The following CHRM2 variants were observed in gnomAD, a reference collection of about 807,000 sequenced individuals.
CHRM2 encodes cholinergic receptor muscarinic 2.
A neutral mutation model predicts 25.0 loss-of-function variants in CHRM2; 8 were observed. That is an observed-to-expected ratio of 0.32 (90% confidence interval 0.19 to 0.58). The LOEUF (loss-of-function observed/expected upper bound fraction) is 0.58, where lower values mean the gene tolerates loss of function less well. Among genes scored for constraint, CHRM2 ranks in the 20% least tolerant of loss-of-function variants. The pLI, the probability that CHRM2 is intolerant of heterozygous loss-of-function variation, is 0.88. For missense variants in CHRM2, 440 were observed against 567.1 expected (o/e 0.78, Z 2.28); for synonymous variants, 202 against 205.7 (o/e 0.98, Z 0.15).
At chr7:137,012,085 GAATA>G (rs143964183) in intron 3 of CHRM2, among the ~76,000 whole-genome samples, 2,975 of 152,064 alleles carry the variant, frequency 0.02, 37 homozygotes, top group Middle Eastern at 0.058. Flanking sequence ...TCAAAATTAT[GAATA>G]ATTAAAATGC....
At chr7:137,013,159 G>C (rs1009868482) in intron 3 of CHRM2, among the ~76,000 whole-genome samples, 4 of 151,618 alleles carry the variant, frequency 2.6e-5, no homozygotes, top group Admixed American at 6.6e-5. Flanking sequence ...TACAAATATT[G>C]TTTCTCAATT....
intron 3 of CHRM2, among the ~76,000 whole-genome samples, chr7:137,012,408 T>C (rs1208377766): frequency 6.6e-6 from 1 of 152,050 alleles, no homozygotes; most frequent in Non-Finnish European, 1.5e-5. Context: ...ATTCAACTGA[T>C]CTAAGTTGCA....
chr7:136,966,502 A>C (rs916823725), intron 2 of CHRM2, among the ~76,000 whole-genome samples: 1 of 152,022 alleles, frequency 6.6e-6, no homozygotes, highest in Admixed American at 6.5e-5. Context: ...GAGTAGGTGA[A>C]CATGATACTA....
Position 137,015,441 on chromosome 7 carries a change from T to G in CHRM2, c.576T>G (p.Ile192Met), listed in dbSNP as rs1293483630. 6.2e-7 allele frequency: 1 copy of G among 1,613,418 alleles called. No individual in the cohort carries two copies. The highest frequency in any genetic ancestry group is 1.7e-5 in the Admixed American group (1 of 59,912). Reference sequence around the variant, plus strand: ...CTGCTGTCACCTTTGGTACGGCTATTGCAGCCTTCTATTTGCCAGTGATCA... The same window carrying G: ...CTGCTGTCACCTTTGGTACGGCTATGGCAGCCTTCTATTTGCCAGTGATCA... ...SNAAVTFGTAIAAFYLPVIIM... is the reference protein window; with the variant it reads ...SNAAVTFGTAMAAFYLPVIIM... Residue 192 changes from isoleucine (I) to methionine (M), a missense_variant, in exon 4 of 4, where the codon ATT becomes ATG. Physicochemically the swap from Ile to Met is conservative, Grantham distance 10 (BLOSUM62 1). Coordinates refer to ENST00000680005, the MANE Select transcript of CHRM2 (RefSeq NM_001006630.2). This position sits in a 1 kb window ranked among gnomAD's most constrained non-coding sequence, Gnocchi z 5.1.
At chr7:136,871,729 T>C (rs1417268422) in intron 2 of CHRM2, 1 of 152,178 alleles carries the variant, frequency 6.6e-6, no homozygotes, top group Admixed American at 6.5e-5. Flanking sequence ...GTAAGAACAA[T>C]TGACTTGGCC....
chr7:136,873,628 A>T (rs1304630912), intron 2 of CHRM2, among the ~76,000 whole-genome samples: 2 of 152,162 alleles, frequency 1.3e-5, no homozygotes, highest in African/African-American at 4.8e-5. Context: ...CAGCCCCTGG[A>T]TTCAAACACA....
intron 2 of CHRM2, among the ~76,000 whole-genome samples, chr7:136,895,859 A>G (rs1164352679): frequency 6.6e-6 from 1 of 152,182 alleles, no homozygotes; most frequent in Admixed American, 6.5e-5. Flanking sequence ...AGCAAGATCA[A>G]TGAATTTGAT....
chr7:136,988,918 G>A (rs1466123878), intron 2 of CHRM2, among the ~76,000 whole-genome samples: 1 of 151,908 alleles, frequency 6.6e-6, no homozygotes, highest in African/African-American at 2.4e-5. Flanking sequence ...ATGAATTCAT[G>A]ATAATCAATG....
chr7:136,982,783 G>A (rs900714762), intron 2 of CHRM2, among the ~76,000 whole-genome samples: 5 of 152,134 alleles, frequency 3.3e-5, no homozygotes, highest in Admixed American at 2.6e-4. Flanking sequence ...ACTCTCTTCT[G>A]GCTTGTAGGG....
At chr7:136,888,727 C>T (rs779234360) in intron 2 of CHRM2, among the ~76,000 whole-genome samples, 8 of 152,000 alleles carry the variant, frequency 5.3e-5, no homozygotes, top group South Asian at 2.1e-4. Flanking sequence ...GAGTCAGGAA[C>T]TGCAAAAAGA....
intron 2 of CHRM2, among the ~76,000 whole-genome samples, chr7:136,987,023 G>A (rs1399466818): frequency 6.6e-6 from 1 of 152,102 alleles, no homozygotes; most frequent in African/African-American, 2.4e-5. Flanking sequence ...AAACCTGAAC[G>A]AACCAAACAA....
chr7:137,011,291 C>T (rs561742411), intron 3 of CHRM2, among the ~76,000 whole-genome samples: 2 of 150,808 alleles, frequency 1.3e-5, no homozygotes, highest in Admixed American at 6.6e-5. Flanking sequence ...TGAGAAGTCC[C>T]ATCTGCAAGC....
chr7:136,912,066 G>T (rs1251895367), intron 2 of CHRM2, among the ~76,000 whole-genome samples: 1 of 151,728 alleles, frequency 6.6e-6, no homozygotes, highest in Admixed American at 6.6e-5. Context: ...CAATAAAAAG[G>T]TGATTAAAAG....
chr7:136,912,376 G>T (rs1272352158), intron 2 of CHRM2, among the ~76,000 whole-genome samples: 1 of 151,894 alleles, frequency 6.6e-6, no homozygotes, highest in Non-Finnish European at 1.5e-5. Context: ...CCAAAAGAAT[G>T]TCCTCTTGCT....
chr7:136,879,301 T>G (rs991062999), intron 2 of CHRM2, among the ~76,000 whole-genome samples: 2 of 151,976 alleles, frequency 1.3e-5, no homozygotes, highest in African/African-American at 4.8e-5. Context: ...TTTCATACTG[T>G]TATATCTATT....
chr7:136,990,096 T>G (rs1212541152), intron 2 of CHRM2, among the ~76,000 whole-genome samples: 1 of 152,098 alleles, frequency 6.6e-6, no homozygotes, highest in East Asian at 1.9e-4. Flanking sequence ...CAGTTTTAGG[T>G]CCATAGCAAA....
chr7:136,979,959 T>C (rs890134807), intron 2 of CHRM2, among the ~76,000 whole-genome samples: 2 of 152,208 alleles, frequency 1.3e-5, no homozygotes, highest in African/African-American at 4.8e-5. Context: ...AAATTTAAAG[T>C]AGTTTTTTCT....
rs191694706 is a variant in CHRM2 at position 136,874,041 on chromosome 7, A to G, written c.-125+4623A>G. On this transcript the variant is annotated intron_variant, in intron 2 of 3. Coordinates refer to ENST00000680005, the MANE Select transcript of CHRM2 (RefSeq NM_001006630.2). ...TCATTCAGCTGAGTTCATGATAGGA[A>G]GCAGATCAAGAGACTTTTTCAAGGT... Among the ~76,000 whole-genome samples the G allele has an allele frequency of 2.0e-5, 3 of 152,352 alleles. No homozygotes were observed. The East Asian group carries it at 5.8e-4, about 29-fold the overall frequency.
chr7:136,882,333 C>T (rs936843929), intron 2 of CHRM2, among the ~76,000 whole-genome samples: 2 of 151,968 alleles, frequency 1.3e-5, no homozygotes, highest in Non-Finnish European at 2.9e-5. Flanking sequence ...GAAACCTGCT[C>T]CATAAGGATG....
Sources: gnomAD v4.1 joint callset for allele counts (sites outside exome capture counted in the v4.1 genomes callset) on GRCh38, gnomAD v4.1.1 for gene constraint, Gnocchi (gnomAD v3.1) non-coding constraint, MANE v1.5 for transcripts, NCBI Gene and HGNC (gene_info 2026-07-23, HGNC 2026-07-21) for gene names.